PSMB2: variants seen among roughly 807,000 people sequenced by gnomAD.
PSMB2 encodes proteasome 20S subunit beta 2.
A neutral mutation model predicts 25.7 loss-of-function variants in PSMB2; 13 were observed. The observed-to-expected ratio is 0.51, with a 90% CI of 0.33 to 0.80. The LOEUF (loss-of-function observed/expected upper bound fraction) is 0.80, where lower values mean the gene tolerates loss of function less well. Among genes scored for constraint, PSMB2 ranks in the 30% least tolerant of loss-of-function variants. The pLI is 0.02. For synonymous variants in PSMB2, 87 were observed against 96.2 expected (o/e 0.90, Z 0.56); for missense variants, 202 against 259.0 (o/e 0.78, Z 1.51).
chr1:35,612,290 G>T (rs1454710800), intron 3 of PSMB2, among the ~76,000 whole-genome samples: 7 of 143,262 alleles, frequency 4.9e-5, no homozygotes, highest in Non-Finnish European at 6.2e-5. Flanking sequence ...GAGCTTCTGG[G>T]TTTTTTTTTT....
intron 2 of PSMB2, among the ~76,000 whole-genome samples, chr1:35,635,079 G>C (rs1352414401): frequency 6.6e-6 from 1 of 151,896 alleles, no homozygotes; most frequent in African/African-American, 2.4e-5. Flanking sequence ...GACCAACATG[G>C]AGAAACCCTG....
intron 1 of PSMB2, among the ~76,000 whole-genome samples, chr1:35,639,948 T>C (rs1385947921): frequency 5.3e-5 from 8 of 152,176 alleles, no homozygotes; most frequent in East Asian, 1.9e-4. Flanking sequence ...TACCACCTTA[T>C]AGATGTTAGC....
At chr1:35,622,699 A>G (rs541659227) in intron 3 of PSMB2, among the ~76,000 whole-genome samples, 1 of 152,014 alleles carries the variant, frequency 6.6e-6, no homozygotes, top group South Asian at 2.1e-4. Context: ...TCTGAGTGAG[A>G]AAGCAACACC....
At chr1:35,620,253 A>G (rs1224122551) in intron 3 of PSMB2, among the ~76,000 whole-genome samples, 1 of 152,214 alleles carries the variant, frequency 6.6e-6, no homozygotes, top group Admixed American at 6.5e-5. Context: ...TATTAAGGAA[A>G]TTCTGAGGAA....
chr1:35,633,432 A>G (rs1013729270), intron 2 of PSMB2, among the ~76,000 whole-genome samples: 1 of 152,202 alleles, frequency 6.6e-6, no homozygotes, highest in Non-Finnish European at 1.5e-5. Context: ...AGAGTTACAT[A>G]CACAAAACTG....
At chr1:35,637,160 GTTA>G (rs1319005627) in intron 1 of PSMB2, among the ~76,000 whole-genome samples, 1 of 152,142 alleles carries the variant, frequency 6.6e-6, no homozygotes, top group South Asian at 2.1e-4. Flanking sequence ...ACAAATGTTA[GTTA>G]TTATATTTAT....
chr1:35,624,869 T>C (rs1650804900), intron 3 of PSMB2, among the ~76,000 whole-genome samples: 1 of 151,980 alleles, frequency 6.6e-6, no homozygotes. Context: ...GAGACCATCC[T>C]GGCTAACACG....
At chr1:35,618,158 G>A (rs533954301) in intron 3 of PSMB2, among the ~76,000 whole-genome samples, 3 of 152,268 alleles carry the variant, frequency 2.0e-5, no homozygotes, top group East Asian at 3.9e-4. Flanking sequence ...AGTAGAGGGG[G>A]CGGAGAGAGA....
At chr1:35,628,627 ATATATTT>A (rs1164968807) in intron 3 of PSMB2, among the ~76,000 whole-genome samples, 32 of 42,952 alleles carry the variant, frequency 7.5e-4, no homozygotes, top group Admixed American at 1.3e-3. Flanking sequence ...ATATATATAT[ATATATTT>A]TTTTTTTTTT....
At chr1:35,637,957 G>A (rs1477149242) in intron 1 of PSMB2, among the ~76,000 whole-genome samples, 2 of 152,114 alleles carry the variant, frequency 1.3e-5, no homozygotes, top group Non-Finnish European at 2.9e-5. Flanking sequence ...TCTTTTGCTT[G>A]TTGGTTTTTC....
At position 35,603,173 on chromosome 1, in the gene PSMB2, AC is replaced by A. The variant is rs543022851; in HGVS notation, c.*93del. On this transcript the variant is annotated 3_prime_UTR_variant, in exon 6 of 6. Coordinates refer to ENST00000373237, the MANE Select transcript of PSMB2 (RefSeq NM_002794.5). ...CCATAGTCACCTTTATTCTGAATTA[AC>A]CATTTATCAAGAGTGCGCCTGAAAA... The A allele has an allele frequency of 2.7e-4, 415 of 1,509,722 alleles. 3 individuals are homozygous for A. The South Asian group carries it at 5.3e-3, about 19-fold the overall frequency. 93.5% of individuals were successfully genotyped at this position (1,509,722 alleles called of 1,614,324 possible). A position where few individuals can be genotyped will look rare whatever the true frequency, so the allele number is the denominator to read the frequency against.
chr1:35,626,355 C>T (rs949053284), intron 3 of PSMB2, among the ~76,000 whole-genome samples: 9 of 152,154 alleles, frequency 5.9e-5, no homozygotes, highest in Non-Finnish European at 1.3e-4. Flanking sequence ...ATACTTCTTC[C>T]GGTATTCCAT....
At chr1:35,622,584 T>A (rs1650720375) in intron 3 of PSMB2, among the ~76,000 whole-genome samples, 1 of 152,148 alleles carries the variant, frequency 6.6e-6, no homozygotes, top group Non-Finnish European at 1.5e-5. Context: ...GTTGGCATTA[T>A]GGGGCTGCAA....
rs1345299057 is a variant in PSMB2, at chr1:35,601,958, A to G, written c.*1309T>C. On this transcript the variant is annotated 3_prime_UTR_variant, in exon 6 of 6. Coordinates refer to ENST00000373237, the MANE Select transcript of PSMB2 (RefSeq NM_002794.5). ...AATGGAAAATTATGCAACTGTCAAC[A>G]AGAATAAGCATATCTATATGTATTG... 5.3e-6 allele frequency: 5 copies of G among 937,406 alleles called. No homozygotes were observed. Among genetic ancestry groups the G allele is most frequent in the Non-Finnish European group, 6.4e-6 (5 of 786,420 alleles). The allele number at this position is 937,406 out of a possible 1,614,324, so 58.1% of individuals were successfully genotyped here.
intron 3 of PSMB2, among the ~76,000 whole-genome samples, chr1:35,629,625 A>G (rs1651029610): frequency 6.6e-6 from 1 of 151,884 alleles, no homozygotes; most frequent in African/African-American, 2.4e-5. Context: ...CCTGGGCCAC[A>G]TGGTGAAATC....
chr1:35,628,624 TATATA>T (rs1347807184), intron 3 of PSMB2, among the ~76,000 whole-genome samples: 2 of 50,646 alleles, frequency 3.9e-5, no homozygotes, highest in African/African-American at 8.2e-5. Context: ...TATATATATA[TATATA>T]TATTTTTTTT....
intron 3 of PSMB2, among the ~76,000 whole-genome samples, chr1:35,615,940 T>A (rs1439468129): frequency 6.6e-6 from 1 of 152,212 alleles, no homozygotes; most frequent in Non-Finnish European, 1.5e-5. Context: ...AAACAGAGAC[T>A]GGACTTTGAA....
At chr1:35,635,915 A>G (rs1372966131) in intron 2 of PSMB2, among the ~76,000 whole-genome samples, 1 of 152,006 alleles carries the variant, frequency 6.6e-6, no homozygotes, top group Non-Finnish European at 1.5e-5. Context: ...AAGACAAACC[A>G]ATTGTTATAG....
At chr1:35,615,064 T>C (rs902599576) in intron 3 of PSMB2, among the ~76,000 whole-genome samples, 2 of 152,232 alleles carry the variant, frequency 1.3e-5, no homozygotes, top group Admixed American at 6.5e-5. Flanking sequence ...GCCTGATATA[T>C]TGTAATAATG....
Sources: allele counts gnomAD v4.1 joint callset (sites outside exome capture counted in the v4.1 genomes callset), GRCh38; gene constraint gnomAD v4.1.1; transcripts MANE v1.5; gene names NCBI Gene and HGNC (gene_info 2026-07-23, HGNC 2026-07-21).